FRMD1: variants seen among roughly 807,000 people sequenced by gnomAD.
FRMD1 encodes the protein FERM domain containing 1.
Under a neutral mutation model 54.9 loss-of-function variants are expected in FRMD1, and 51 were observed. The ratio of observed to expected loss-of-function variants is 0.93; its 90% CI spans 0.74 to 1.17. The LOEUF is 1.17. Ranked by LOEUF, FRMD1 falls within the 50% of genes most tolerant of loss-of-function variation. The pLI is 0.00. For missense variants in FRMD1, 729 were observed against 743.0 expected (o/e 0.98, Z 0.22); for synonymous variants, 324 against 306.4 (o/e 1.06, Z -0.60).
intron 2 of FRMD1, among the ~76,000 whole-genome samples, chr6:168,071,175 C>T (rs1800289107): frequency 6.6e-6 from 1 of 152,226 alleles, no homozygotes; most frequent in African/African-American, 2.4e-5. Context: ...CAAGGCCAGG[C>T]CAGGTGGAGC....
rs375825414 is a variant in FRMD1 at position 168,079,020 on chromosome 6, C to T, written c.75G>A (p.Ala25=). 6 of 1,612,066 alleles carry T rather than the reference C, an allele frequency of 3.7e-6. No individual in the cohort carries two copies. Among genetic ancestry groups the T allele is most frequent in the East Asian group, 2.2e-5 (1 of 44,870 alleles). The change falls in exon 1 of 11, where the codon GCG becomes GCA. Residue 25 remains alanine, a synonymous_variant. Coordinates refer to ENST00000283309, the MANE Select transcript of FRMD1 (RefSeq NM_024919.6). The stretch of plus-strand genomic sequence containing the variant: ...TCTCAGGACTGGGTTCCATACATCG[C>T]GCCCCTGAAGGAGGGAACGTGTCAG... ...TNPDTFPPSG[A]RCMEPSPERP... is the part of the protein sequence containing the mutation.
Position 168,059,234 on chromosome 6 carries a change from G to A in FRMD1, c.1343-46C>T, listed in dbSNP as rs147612406. On this transcript the variant is annotated intron_variant, in intron 9 of 10. Coordinates refer to ENST00000283309, the MANE Select transcript of FRMD1 (RefSeq NM_024919.6). This position sits in a 1 kb window ranked among gnomAD's most constrained non-coding sequence, Gnocchi z 4.4. ...GAGCACAGGTGTCTGGGTTCTGCCC[G>A]ACATGGCTCCTCCCCAGGGCAGTTC... 4.2e-4 allele frequency: 626 copies of A among 1,506,154 alleles called. No homozygotes were observed. Among genetic ancestry groups the A allele is most frequent in the Non-Finnish European group, 5.3e-4 (586 of 1,112,986 alleles). 93.3% of individuals were successfully genotyped at this position (1,506,154 alleles called of 1,614,324 possible).
At chr6:168,074,576 G>A (rs1334281413) in intron 2 of FRMD1, among the ~76,000 whole-genome samples, 2 of 151,916 alleles carry the variant, frequency 1.3e-5, no homozygotes, top group African/African-American at 4.8e-5. Flanking sequence ...GTTTGTGCAT[G>A]TGTACATGTG....
At chr6:168,080,525 C>CTCG (rs1297955218), upstream of FRMD1, among the ~76,000 whole-genome samples, 1 of 152,220 alleles carries the variant, frequency 6.6e-6, no homozygotes, top group Non-Finnish European at 1.5e-5. Flanking sequence ...GCCTGAGCAG[C>CTCG]TCGTCCCTGT....
Position 168,064,488 on chromosome 6 carries a change from C to T in FRMD1, c.648+383G>A, listed in dbSNP as rs568288807. On this transcript the variant is annotated intron_variant, in intron 5 of 10. Transcript: ENST00000283309. Reference sequence around the variant, plus strand: ...GGAAGCTGAGGCTCAGAGACTCCTACGGGTCCCAGGATACTTAGAGAGAAG... The same window carrying T: ...GGAAGCTGAGGCTCAGAGACTCCTATGGGTCCCAGGATACTTAGAGAGAAG... Among the ~76,000 whole-genome samples, 26 of 151,932 alleles carry T rather than the reference C, an allele frequency of 1.7e-4. 1 individual carries two copies. The highest frequency in any genetic ancestry group is 4.8e-4 in the African/African-American group (20 of 41,372).
chr6:168,063,024 G>T, intron 6 of FRMD1, 65 bp from the exon 7 acceptor site: 2 of 1,381,906 alleles, frequency 1.4e-6, no homozygotes, highest in Non-Finnish European at 2.1e-6. Flanking sequence ...TGATGGCAGA[G>T]TATGGTCAGT....
intron 1 of FRMD1, among the ~76,000 whole-genome samples, chr6:168,087,150 C>T (rs542119658): frequency 1.3e-5 from 2 of 152,138 alleles, no homozygotes; most frequent in African/African-American, 4.8e-5. Flanking sequence ...TCACTGTAAC[C>T]CCTGCCTCCT....
In FRMD1 at chr6:168,056,977, G is replaced by A. The variant is rs1177378318; in HGVS notation, c.*120C>T. Reference sequence around the variant, plus strand: ...CCTCTTACAGGTGAACCTGTGGAGCGTGCTGGCTGCGGAAGTGCAGGCAGC... The same window carrying A: ...CCTCTTACAGGTGAACCTGTGGAGCATGCTGGCTGCGGAAGTGCAGGCAGC... On this transcript the variant is annotated 3_prime_UTR_variant, in exon 11 of 11. Transcript: ENST00000283309. 15 of 1,213,178 alleles carry A rather than the reference G, an allele frequency of 1.2e-5. No homozygotes were observed. The highest frequency in any genetic ancestry group is 9.0e-5 in the South Asian group (5 of 55,856). The allele number at this position is 1,213,178 out of a possible 1,614,324, so 75.2% of individuals were successfully genotyped here.
rs138162248 is a variant in FRMD1 at position 168,055,485 on chromosome 6, C to T, written c.*1612G>A. 1 of 152,416 alleles carries T rather than the reference C, an allele frequency of 6.6e-6. No individual in the cohort carries two copies. Among genetic ancestry groups the T allele is most frequent in the Non-Finnish European group, 1.5e-5 (1 of 68,080 alleles). The allele number at this position is 152,416 out of a possible 1,614,324, so 9.4% of individuals were successfully genotyped here. On this transcript the variant is annotated 3_prime_UTR_variant, in exon 11 of 11. Transcript: ENST00000283309. ...GTGTCTCCCCAACACTGGTGTGTAC[C>T]TTCCCTCATGGTCCATGGGACTGGG...
intron 1 of FRMD1, among the ~76,000 whole-genome samples, chr6:168,076,180 C>T (rs1218135960): frequency 6.6e-6 from 1 of 152,184 alleles, no homozygotes; most frequent in African/African-American, 2.4e-5. Flanking sequence ...GGTTGCCGTG[C>T]GCTCTGCTCT....
In FRMD1 at chr6:168,059,019, C is replaced by A. The variant is rs1030671705; in HGVS notation, c.1407+105G>T. 1.3e-5 allele frequency: 11 copies of A among 842,564 alleles called. No individual in the cohort carries two copies. The highest frequency in any genetic ancestry group is 2.9e-4 in the Middle Eastern group (1 of 3,390). 52.2% of individuals were successfully genotyped at this position (842,564 alleles called of 1,614,324 possible). ...GTCTCTGGGGATGTCAGTCGAGGGA[C>A]CCTCTGATAGGCCTAGGAAGGTCCC... On this transcript the variant is annotated intron_variant, in intron 10 of 10. Transcript: ENST00000283309. This position sits in a 1 kb window ranked among gnomAD's most constrained non-coding sequence, Gnocchi z 4.4.
rs1799354889 is a variant in FRMD1 at position 168,055,053 on chromosome 6, C to A, written c.*2044G>T. 6.6e-6 allele frequency: 1 copy of A among 152,292 alleles called. No individual in the cohort carries two copies. The highest frequency in any genetic ancestry group is 1.5e-5 in the Non-Finnish European group (1 of 68,098). The allele number at this position is 152,292 out of a possible 1,614,324, so 9.4% of individuals were successfully genotyped here. On this transcript the variant is annotated 3_prime_UTR_variant, in exon 11 of 11. Transcript: ENST00000283309. The stretch of plus-strand genomic sequence containing the variant: ...TACCCGGTAGTTAACAGGCATCTGG[C>A]ATAATTCTCCATGTCTGTCCACAAG...
chr6:168,070,396 G>C (rs1206609548), intron 2 of FRMD1, among the ~76,000 whole-genome samples: 1 of 144,364 alleles, frequency 6.9e-6, no homozygotes, highest in African/African-American at 2.5e-5. Context: ...AGGGAGGGAG[G>C]GAGGGAGGGA....
At chr6:168,070,641 T>C (rs529470855) in intron 2 of FRMD1, among the ~76,000 whole-genome samples, 21 of 152,322 alleles carry the variant, frequency 1.4e-4, no homozygotes, top group African/African-American at 4.8e-4. Flanking sequence ...GCCAGTTCTT[T>C]ACAATAAATC....
intron 1 of FRMD1, among the ~76,000 whole-genome samples, chr6:168,078,609 C>CAT: frequency 7.7e-6 from 1 of 129,888 alleles, no homozygotes; most frequent in Non-Finnish European, 1.6e-5. Context: ...TGCTCACCCT[C>CAT]ACGGCCCTGC....
intron 1 of FRMD1, among the ~76,000 whole-genome samples, chr6:168,091,252 G>A (rs528288371): frequency 1.1e-4 from 16 of 152,348 alleles, no homozygotes; most frequent in African/African-American, 2.9e-4. Flanking sequence ...TGCAGTGTGC[G>A]CCTTCCCGAC....
Position 168,064,959 on chromosome 6 carries a change from G to A in FRMD1, c.560C>T (p.Ala187Val), listed in dbSNP as rs752127480. Residue 187 changes from alanine (A) to valine (V), a missense_variant, in exon 5 of 11, where the codon GCC (alanine) becomes GTC (valine). By Grantham distance (64) the Ala-to-Val change is moderately conservative. Coordinates refer to ENST00000283309, the MANE Select transcript of FRMD1 (RefSeq NM_024919.6). Reference protein sequence around the residue: ...HREEAYFLLAACALQADLGEH... With the variant: ...HREEAYFLLAVCALQADLGEH... ...GCCCAGGTCAGCCTGCAGCGCGCAG[G>A]CAGCCAGCAGGAAGTAGGCTTCCTC... 1.9e-6 allele frequency: 3 copies of A among 1,611,896 alleles called. No homozygotes were observed. In the South Asian group the frequency reaches 3.3e-5, roughly 18 times the overall value.
Position 168,059,192 on chromosome 6 carries a change from TG to T in FRMD1, c.1343-5del. On this transcript the variant is annotated splice_region_variant and splice_polypyrimidine_tract_variant and intron_variant, in intron 9 of 10. Transcript: ENST00000283309. The surrounding 1 kb of genome is among the most constrained non-coding windows in gnomAD (Gnocchi z 4.4). Reference sequence around the variant, plus strand: ...GTGCAGGGCTCCTGACGAGTGGCTGTGGGAGGAGGCAGCCGTGAGCACAGGT... The same window carrying T: ...GTGCAGGGCTCCTGACGAGTGGCTGTGGAGGAGGCAGCCGTGAGCACAGGT... 6.3e-7 allele frequency: 1 copy of T among 1,581,968 alleles called. No individual in the cohort carries two copies. Among genetic ancestry groups the T allele is most frequent in the Non-Finnish European group, 8.6e-7 (1 of 1,167,550 alleles).
intron 8 of FRMD1, 85 bp from the exon 9 acceptor site, chr6:168,061,142 A>G: frequency 7.4e-7 from 1 of 1,344,982 alleles, no homozygotes; most frequent in Non-Finnish European, 1.0e-6. Context: ...GGAGACAGAA[A>G]TGCACACCCA....
Sources: allele counts gnomAD v4.1 joint callset (sites outside exome capture counted in the v4.1 genomes callset), GRCh38; gene constraint gnomAD v4.1.1; non-coding constraint Gnocchi (gnomAD v3.1); transcripts MANE v1.5; gene names NCBI Gene and HGNC (gene_info 2026-07-23, HGNC 2026-07-21).